GALNT18: variants seen among roughly 807,000 people sequenced by gnomAD.
The protein encoded by GALNT18 is GalNAc-transferase 18.
Under a neutral mutation model 69.5 loss-of-function variants are expected in GALNT18, and 44 were observed. That is an observed-to-expected ratio of 0.63 (90% CI 0.50 to 0.81). The LOEUF (loss-of-function observed/expected upper bound fraction) is 0.81. Ranked by LOEUF, GALNT18 falls within the 40% of genes least tolerant of loss-of-function variation. The pLI is 0.00. For missense variants in GALNT18, 715 were observed against 810.0 expected, an observed-to-expected ratio of 0.88 and a Z score of 1.42; for synonymous variants, 364 against 318.2, an observed-to-expected ratio of 1.14 and a Z score of -1.53.
Position 11,289,480 on chromosome 11 carries a change from G to A in GALNT18, c.1677+3549C>T, listed in dbSNP as rs565520800. 1.6e-3 allele frequency among the ~76,000 whole-genome samples: 237 copies of A among 152,316 alleles called. 2 individuals carry two copies. Among genetic ancestry groups the A allele is most frequent in the African/African-American group, 5.4e-3 (223 of 41,574 alleles). On this transcript the variant is annotated intron_variant, in intron 10 of 10. Coordinates refer to ENST00000227756, the MANE Select transcript of GALNT18 (RefSeq NM_198516.3). ...TGCTATGTCTGTTTAAACAGGAATC[G>A]TGTGGGGCTGCCTTTTCAAGCCATG...
Position 11,387,742 on chromosome 11 carries a change from G to A in GALNT18, c.596-8478C>T, listed in dbSNP as rs547013816. Among the ~76,000 whole-genome samples the A allele has an allele frequency of 5.3e-5, 8 of 152,324 alleles. No homozygotes were observed. The highest frequency in any genetic ancestry group is 5.2e-4 in the Admixed American group (8 of 15,302). On this transcript the variant is annotated intron_variant, in intron 3 of 10. Transcript: ENST00000227756. The surrounding 1 kb of genome is among the most constrained non-coding windows in gnomAD (Gnocchi z 4.6). ...AGCTAAAAATTAAATAAAGACAGAT[G>A]TCACCGTCCGCACCTCCATGGAGAA...
At position 11,511,832 on chromosome 11, in the gene GALNT18, C is replaced by A. The variant is rs576149297; in HGVS notation, c.236-62896G>T. ...CCCAGAAGAGGGCCCTCACCAGACC[C>A]GGACCACACTGGTACCCTGATCTGG... is the stretch of plus-strand genomic sequence containing the variant. On this transcript the variant is annotated intron_variant, in intron 1 of 10. Coordinates refer to ENST00000227756, the MANE Select transcript of GALNT18 (RefSeq NM_198516.3). The surrounding 1 kb of genome is among the most constrained non-coding windows in gnomAD (Gnocchi z 4.9). Among the ~76,000 whole-genome samples the A allele has an allele frequency of 1.4e-4, 22 of 152,226 alleles. No individual in the cohort carries two copies. Among genetic ancestry groups the A allele is most frequent in the African/African-American group, 5.1e-4 (21 of 41,530 alleles).
intron 9 of GALNT18, among the ~76,000 whole-genome samples, chr11:11,300,019 G>A (rs1849466908): frequency 6.6e-6 from 1 of 152,206 alleles, no homozygotes. Context: ...ATCATGGGAT[G>A]GGCAGAGGGA....
rs992831769 is a variant in GALNT18 at position 11,432,124 on chromosome 11, A to T, written c.595+497T>A. ...CAGCAAAGAGGCTAGACATTCAACA[A>T]GTCTGTTGCTGTCATTGAGTTACGT... On this transcript the variant is annotated intron_variant, in intron 3 of 10. Coordinates refer to ENST00000227756, the MANE Select transcript of GALNT18 (RefSeq NM_198516.3). The surrounding 1 kb of genome is among the most constrained non-coding windows in gnomAD (Gnocchi z 5.8). 1.3e-5 allele frequency among the ~76,000 whole-genome samples: 2 copies of T among 152,218 alleles called. No individual in the cohort carries two copies. The highest frequency in any genetic ancestry group is 4.8e-5 in the African/African-American group (2 of 41,446).
rs922681772 is a variant in GALNT18, at chr11:11,382,327, G to A, written c.596-3063C>T. Among the ~76,000 whole-genome samples the A allele has an allele frequency of 6.6e-6, 1 of 152,174 alleles. No homozygotes were observed. Among genetic ancestry groups the A allele is most frequent in the African/African-American group, 2.4e-5 (1 of 41,450 alleles). Reference sequence around the variant, plus strand: ...TACCTTTACTTAATTAGGTTTTCATGTTTTCTTTCAATCTTTGTTAAGTGC... The same window carrying A: ...TACCTTTACTTAATTAGGTTTTCATATTTTCTTTCAATCTTTGTTAAGTGC... On this transcript the variant is annotated intron_variant, in intron 3 of 10. Coordinates refer to ENST00000227756, the MANE Select transcript of GALNT18 (RefSeq NM_198516.3). This position sits in a 1 kb window ranked among gnomAD's most constrained non-coding sequence, Gnocchi z 4.3.
chr11:11,462,812 G>C (rs956669414), intron 1 of GALNT18, among the ~76,000 whole-genome samples: 29 of 152,146 alleles, frequency 1.9e-4, no homozygotes, highest in African/African-American at 7.0e-4. Context: ...AGTAAAAAAG[G>C]GTCTTAATGC....
At chr11:11,462,027 T>C (rs1021870992) in intron 1 of GALNT18, among the ~76,000 whole-genome samples, 2 of 152,162 alleles carry the variant, frequency 1.3e-5, no homozygotes, top group Admixed American at 1.3e-4. Context: ...CGGGGTGCTG[T>C]AGGAACAGCA....
chr11:11,313,746 T>C (rs1849705685), intron 9 of GALNT18, among the ~76,000 whole-genome samples: 1 of 152,212 alleles, frequency 6.6e-6, no homozygotes, highest in Admixed American at 6.5e-5. Flanking sequence ...GCAAGTTACA[T>C]ACCTGCCTTA....
chr11:11,368,609 A>G (rs1274464629), intron 6 of GALNT18, among the ~76,000 whole-genome samples: 1 of 152,042 alleles, frequency 6.6e-6, no homozygotes, highest in Non-Finnish European at 1.5e-5. Context: ...TATTCCTTTA[A>G]TAATGTTCAT....
intron 6 of GALNT18, among the ~76,000 whole-genome samples, chr11:11,342,485 C>CAAG (rs1406884069): frequency 6.6e-6 from 1 of 152,114 alleles, no homozygotes; most frequent in Non-Finnish European, 1.5e-5. Flanking sequence ...GCTTGTTTTC[C>CAAG]CTGTGTTAGT....
At chr11:11,594,454 C>A (rs1859439015) in intron 1 of GALNT18, among the ~76,000 whole-genome samples, 1 of 152,164 alleles carries the variant, frequency 6.6e-6, no homozygotes, top group Non-Finnish European at 1.5e-5. Context: ...CCTGTACCCA[C>A]TAGCAGTCAT....
chr11:11,313,129 T>TG (rs1383431156), intron 9 of GALNT18, among the ~76,000 whole-genome samples: 1 of 151,932 alleles, frequency 6.6e-6, no homozygotes, highest in Non-Finnish European at 1.5e-5. Flanking sequence ...AGAAGGGAAG[T>TG]GGGGGGCTTT....
In GALNT18 at chr11:11,419,613, A is replaced by G. The variant is rs911408022; in HGVS notation, c.595+13008T>C. 1.6e-4 allele frequency among the ~76,000 whole-genome samples: 24 copies of G among 150,514 alleles called. 1 individual carries two copies. The highest frequency in any genetic ancestry group is 3.9e-4 in the East Asian group (2 of 5,174). ...TCCTGTCTCAAAAAAAAAAAAAAAA[A>G]AAAAAAAAAGAAAGAAGGAAAAGAA... is the stretch of plus-strand genomic sequence containing the variant. On this transcript the variant is annotated intron_variant, in intron 3 of 10. Coordinates refer to ENST00000227756, the MANE Select transcript of GALNT18 (RefSeq NM_198516.3).
intron 9 of GALNT18, among the ~76,000 whole-genome samples, chr11:11,310,991 T>G (rs943918955): frequency 5.3e-5 from 8 of 152,178 alleles, no homozygotes; most frequent in African/African-American, 1.9e-4. Flanking sequence ...AGAGCTTCTT[T>G]ATTTACTCTC....
rs559665374 is a variant in GALNT18 at position 11,271,803 on chromosome 11, CT to C, written c.1678-514del. Among the ~76,000 whole-genome samples the C allele has an allele frequency of 3.0e-4, 46 of 152,322 alleles. 1 individual carries two copies. In the East Asian group the frequency reaches 8.1e-3, roughly 27 times the overall value. On this transcript the variant is annotated intron_variant, in intron 10 of 10. Transcript: ENST00000227756. ...CTTAGGCCACTGGGCCCCCTAAGTC[CT>C]GACATGCATGATTTTTCCCCATGCT...
chr11:11,402,756 C>T lies in GALNT18; in HGVS notation c.596-23492G>A, dbSNP rs1462357150. The stretch of plus-strand genomic sequence containing the variant: ...TTTTAATGCACCTGCCTTGCAGCTG[C>T]GGGTAAGAACAGCGTCTGCAGGAGG... On this transcript the variant is annotated intron_variant, in intron 3 of 10. Transcript: ENST00000227756. This position sits in a 1 kb window ranked among gnomAD's most constrained non-coding sequence, Gnocchi z 4.0. 1.3e-5 allele frequency among the ~76,000 whole-genome samples: 2 copies of T among 152,132 alleles called. No homozygotes were observed. The highest frequency in any genetic ancestry group is 2.9e-5 in the Non-Finnish European group (2 of 68,022).
chr11:11,486,795 C>T (rs1856655092), intron 1 of GALNT18, among the ~76,000 whole-genome samples: 1 of 152,206 alleles, frequency 6.6e-6, no homozygotes, highest in Admixed American at 6.5e-5. Context: ...ATGGCTTTGT[C>T]CAAGCTGACG....
rs1853965169 is a variant in GALNT18 at position 11,383,259 on chromosome 11, A to G, written c.596-3995T>C. On this transcript the variant is annotated intron_variant, in intron 3 of 10. Coordinates refer to ENST00000227756, the MANE Select transcript of GALNT18 (RefSeq NM_198516.3). This position sits in a 1 kb window ranked among gnomAD's most constrained non-coding sequence, Gnocchi z 5.2. ...CACAGGGGATTCACCAGCCTGGTCA[A>G]ACAGAGCCCTTCTCCCTTCCTCATC... is the stretch of plus-strand genomic sequence containing the variant. Among the ~76,000 whole-genome samples, 1 of 152,180 alleles carries G rather than the reference A, an allele frequency of 6.6e-6. No homozygotes were observed.
intron 3 of GALNT18, 136 bp from the exon 4 acceptor site, chr11:11,379,400 G>A (rs1215638629): frequency 1.3e-6 from 1 of 783,152 alleles, no homozygotes; most frequent in Admixed American, 2.7e-5. Context: ...GTCTTCTTCA[G>A]TGGTCCCCAC....
Sources: gnomAD v4.1 joint callset for allele counts (sites outside exome capture counted in the v4.1 genomes callset) on GRCh38, gnomAD v4.1.1 for gene constraint, Gnocchi (gnomAD v3.1) non-coding constraint, MANE v1.5 for transcripts, NCBI Gene and HGNC (gene_info 2026-07-23, HGNC 2026-07-21) for gene names.